CCT8: variants seen among roughly 807,000 people sequenced by gnomAD.
CCT8 encodes chaperonin containing TCP1 subunit 8, also known as T-complex protein 1 subunit theta.
Under a neutral mutation model 65.7 loss-of-function variants are expected in CCT8, and 10 were observed. The observed-to-expected ratio is 0.15, with a 90% confidence interval of 0.09 to 0.26. The LOEUF (loss-of-function observed/expected upper bound fraction) is 0.26, where lower values mean the gene tolerates loss of function less well. Ranked by LOEUF, CCT8 falls within the 10% of genes least tolerant of loss-of-function variation. The probability of loss-of-function intolerance (pLI) is 1.00; values close to 1 mark genes in which losing one functional copy is unlikely to be tolerated. For synonymous variants in CCT8, 199 were observed against 221.8 expected (o/e 0.90, Z 0.92); for missense variants, 568 against 669.1 (o/e 0.85, Z 1.67).
In CCT8 at chr21:29,073,544, T is replaced by G; in HGVS notation, c.47A>C (p.Lys16Thr). 6.2e-7 allele frequency: 1 copy of G among 1,614,142 alleles called. No homozygotes were observed. The highest frequency in any genetic ancestry group is 8.5e-7 in the Non-Finnish European group (1 of 1,179,986). The change falls in exon 1 of 15, where the codon AAG (lysine) becomes ACG (threonine). Residue 16 changes from lysine (K) to threonine (T), a missense_variant. Transcript: ENST00000286788. The stretch of plus-strand genomic sequence containing the variant: ...TTCAGCCCTTACTTTCGCTCCCTCC[T>G]TGAGCATCTGGGCAAAGCCCGGAGC... ...PKAPGFAQMLKEGAKHFSGLE... is the reference protein window; with the variant it reads ...PKAPGFAQMLTEGAKHFSGLE...
rs534669524 is a variant in CCT8 at position 29,070,400 on chromosome 21, A to G, written c.61-63T>C. The G allele has an allele frequency of 2.6e-5, 25 of 958,562 alleles. 1 individual carries two copies. The highest frequency in any genetic ancestry group is 1.7e-4 in the African/African-American group (10 of 60,514). 59.4% of individuals were successfully genotyped at this position (958,562 alleles called of 1,614,324 possible). A position where few individuals can be genotyped will look rare whatever the true frequency, so the allele number is the denominator to read the frequency against. Reference sequence around the variant, plus strand: ...ACAGGACAGTGAAACAAAAATTTCAAATACAAGATATCTTTGCTTATATCT... The same window carrying G: ...ACAGGACAGTGAAACAAAAATTTCAGATACAAGATATCTTTGCTTATATCT... On this transcript the variant is annotated intron_variant, in intron 1 of 14. Transcript: ENST00000286788.
intron 13 of CCT8, 40 bp from the exon 14 acceptor site, chr21:29,060,700 T>C (rs1162007309): frequency 6.2e-7 from 1 of 1,609,630 alleles, no homozygotes; most frequent in Non-Finnish European, 8.5e-7. Context: ...TAAAATCCTT[T>C]TATGTGAAAA....
intron 1 of CCT8, among the ~76,000 whole-genome samples, chr21:29,073,045 C>T (rs912446956): frequency 6.6e-6 from 1 of 152,238 alleles, no homozygotes. Context: ...ATGTTTCTCA[C>T]TGGGAAGCAA....
At chr21:29,063,906 A>G (rs1309246032) in intron 7 of CCT8, among the ~76,000 whole-genome samples, 1 of 152,148 alleles carries the variant, frequency 6.6e-6, no homozygotes, top group Non-Finnish European at 1.5e-5. Context: ...AGCTGGGATT[A>G]CAGGCAAGCG....
chr21:29,070,714 C>A (rs1042253779), intron 1 of CCT8, among the ~76,000 whole-genome samples: 1 of 152,134 alleles, frequency 6.6e-6, no homozygotes, highest in Non-Finnish European at 1.5e-5. Flanking sequence ...ACTTACACAT[C>A]AAAAGACTTA....
intron 3 of CCT8, among the ~76,000 whole-genome samples, chr21:29,068,453 T>TAA (rs1317699642): frequency 6.6e-6 from 1 of 152,000 alleles, no homozygotes; most frequent in Non-Finnish European, 1.5e-5. Flanking sequence ...TTTATATATA[T>TAA]AATATGTATT....
chr21:29,070,305 T>G lies in CCT8; in HGVS notation c.93A>C (p.Arg31Ser). 6.2e-7 allele frequency: 1 copy of G among 1,612,162 alleles called. No homozygotes were observed. The highest frequency in any genetic ancestry group is 1.1e-5 in the South Asian group (1 of 90,888). Residue 31 changes from arginine to serine, a missense_variant, in exon 2 of 15, where the codon AGA (arginine) becomes AGC (serine). Coordinates refer to ENST00000286788, the MANE Select transcript of CCT8 (RefSeq NM_006585.4). Reference protein sequence around the residue: ...HFSGLEEAVYRNIQACKELAQ... With the variant: ...HFSGLEEAVYSNIQACKELAQ... ...CAAGCTCCTTGCAAGCTTGTATGTT[T>G]CTATACACAGCCTCTTCTAATCCTG...
rs778241392 is a variant in CCT8 at position 29,073,639 on chromosome 21, G to C, written c.-49C>G. 13 of 1,573,882 alleles carry C rather than the reference G, an allele frequency of 8.3e-6. No homozygotes were observed. The highest frequency in any genetic ancestry group is 1.0e-5 in the Non-Finnish European group (12 of 1,145,008). Reference sequence around the variant, plus strand: ...ACGCGACCGCTCGGAAGACCGCGGAGGAAGCGAGGAGCACGCACAGCCTTC... The same window carrying C: ...ACGCGACCGCTCGGAAGACCGCGGACGAAGCGAGGAGCACGCACAGCCTTC... On this transcript the variant is annotated 5_prime_UTR_variant, in exon 1 of 15. Coordinates refer to ENST00000286788, the MANE Select transcript of CCT8 (RefSeq NM_006585.4).
At chr21:29,056,645 GTCT>G (rs1012558860) in intron 14 of CCT8, 93 bp from the exon 15 acceptor site, 59 of 712,744 alleles carry the variant, frequency 8.3e-5, no homozygotes, top group Admixed American at 2.7e-4. Context: ...AGATTAAGCA[GTCT>G]TCTTGGTATA....
At position 29,065,035 on chromosome 21, in the gene CCT8, G is replaced by A. The variant is rs148840751; in HGVS notation, c.695C>T (p.Thr232Ile). The part of the protein sequence containing the change: ...VFKKETEGDV[T>I]SVKDAKIAVY... ...TGCTATTTTTGCATCTTTGACAGAT[G>A]TTACATCACCTTCGGTTTCCTTCTT... The change falls in exon 7 of 15, where the codon ACA becomes ATA. Residue 232 changes from threonine to isoleucine, a missense_variant. Physicochemically the swap from Thr to Ile is moderately conservative, Grantham distance 89. Coordinates refer to ENST00000286788, the MANE Select transcript of CCT8 (RefSeq NM_006585.4). The A allele has an allele frequency of 6.2e-7, 1 of 1,613,562 alleles. No individual in the cohort carries two copies. Among genetic ancestry groups the A allele is most frequent in the Non-Finnish European group, 8.5e-7 (1 of 1,179,560 alleles).
At chr21:29,069,532 G>A in intron 2 of CCT8, 30 bp from the exon 3 acceptor site, 1 of 1,351,360 alleles carries the variant, frequency 7.4e-7, no homozygotes, top group Non-Finnish European at 1.0e-6. Flanking sequence ...AAAAGAAAAA[G>A]AAAGCCATTA....
intron 6 of CCT8, among the ~76,000 whole-genome samples, chr21:29,065,747 T>A (rs766826147): frequency 6.6e-6 from 1 of 152,248 alleles, no homozygotes; most frequent in African/African-American, 2.4e-5. Context: ...AACTGTCTTA[T>A]AAGCTTATTA....
chr21:29,068,395 G>A (rs2085646538), intron 3 of CCT8, among the ~76,000 whole-genome samples: 1 of 152,066 alleles, frequency 6.6e-6, no homozygotes, highest in South Asian at 2.1e-4. Context: ...CCTTGTACAA[G>A]TGTTTTGTGG....
intron 7 of CCT8, 62 bp from the exon 8 acceptor site, chr21:29,063,592 T>C: frequency 6.7e-7 from 1 of 1,503,238 alleles, no homozygotes; most frequent in Admixed American, 1.8e-5. Context: ...TCAAAGTCAT[T>C]AGATAATAGT....
At chr21:29,063,291 G>T in intron 8 of CCT8, 61 bp downstream of exon 8, 1 of 1,345,512 alleles carries the variant, frequency 7.4e-7, no homozygotes, top group Non-Finnish European at 1.0e-6. Context: ...TTCGTTTAGT[G>T]TTTTCACCAC....
intron 7 of CCT8, 139 bp downstream of exon 7, chr21:29,064,829 C>T (rs1601092317): frequency 3.1e-6 from 2 of 653,636 alleles, no homozygotes; most frequent in East Asian, 2.6e-5. Flanking sequence ...TATTTGAAGA[C>T]TATAAATCTG....
At chr21:29,069,950 T>C (rs1318271493) in intron 2 of CCT8, among the ~76,000 whole-genome samples, 1 of 152,226 alleles carries the variant, frequency 6.6e-6, no homozygotes, top group Non-Finnish European at 1.5e-5. Flanking sequence ...TTAAACTATG[T>C]CACTTTTATA....
rs2085577990 is a variant in CCT8 at position 29,062,732 on chromosome 21, G to A, written c.942-176C>T. On this transcript the variant is annotated intron_variant, in intron 8 of 14. Coordinates refer to ENST00000286788, the MANE Select transcript of CCT8 (RefSeq NM_006585.4). ...CACTAAGGCCAGGAAGCTGATTCCT[G>A]ACTCTCTGAGTGAGTCCAGCTGGCC... 4 of 613,930 alleles carry A rather than the reference G, an allele frequency of 6.5e-6. No homozygotes were observed. In the South Asian group the frequency reaches 8.1e-5, roughly 12 times the overall value. 38.0% of individuals were successfully genotyped at this position (613,930 alleles called of 1,614,324 possible). A position where few individuals can be genotyped will look rare whatever the true frequency, so the allele number is the denominator to read the frequency against.
rs112348016 is a variant in CCT8 at position 29,060,625 on chromosome 21, A to G, written c.1485T>C (p.Ala495=). 6.2e-7 allele frequency: 1 copy of G among 1,613,854 alleles called. No individual in the cohort carries two copies. Among genetic ancestry groups the G allele is most frequent in the Non-Finnish European group, 8.5e-7 (1 of 1,179,750 alleles). The change falls in exon 14 of 15, where the codon GCT becomes GCC. Residue 495 remains alanine (A), a synonymous_variant. Transcript: ENST00000286788. ...EVPAVKDMLE[A]GILDTYLGKY... ...TTCCCAGGTAAGTATCTAGAATACC[A>G]GCTTCCAGCATGTCCTTTACAGCAG...
Sources: gnomAD v4.1 joint callset for allele counts (sites outside exome capture counted in the v4.1 genomes callset) on GRCh38, gnomAD v4.1.1 for gene constraint, MANE v1.5 for transcripts, NCBI Gene and HGNC (gene_info 2026-07-23, HGNC 2026-07-21) for gene names.